Variants in APPL1 observed in about 807,000 individuals in gnomAD.
APPL1 encodes the protein adaptor protein, phosphotyrosine interacting with PH domain and leucine zipper 1, also known as DCC-interacting protein 13-alpha.
In APPL1, 42 loss-of-function variants were observed where a neutral mutation model predicts 106.8. The observed-to-expected ratio is 0.39, with a 90% CI of 0.31 to 0.51. The LOEUF is 0.51. Ranked by LOEUF, APPL1 falls within the 20% of genes least tolerant of loss-of-function variation. The pLI is 0.75. For synonymous variants in APPL1, 263 were observed against 281.8 expected, an observed-to-expected ratio of 0.93 and a Z score of 0.67; for missense variants, 769 against 858.2, an observed-to-expected ratio of 0.90 and a Z score of 1.30.
chr3:57,240,763 T>C (rs553200721), intron 5 of APPL1, among the ~76,000 whole-genome samples: 4 of 152,308 alleles, frequency 2.6e-5, no homozygotes, highest in African/African-American at 9.6e-5. Flanking sequence ...TTTTGAGAAA[T>C]TCTAGAGAAG....
intron 19 of APPL1, among the ~76,000 whole-genome samples, chr3:57,261,220 T>G (rs752457910): frequency 9.9e-5 from 15 of 152,190 alleles, no homozygotes; most frequent in Non-Finnish European, 1.5e-4. Context: ...ATTTGTCTTT[T>G]TGTGCCTGGC....
chr3:57,256,871 A>G (rs1450816681), intron 13 of APPL1, 86 bp from the exon 14 acceptor site: 8 of 1,024,818 alleles, frequency 7.8e-6, no homozygotes, highest in Non-Finnish European at 1.1e-5. Flanking sequence ...GTAACTCAGA[A>G]GCATTCTAAC....
rs141783621 is a variant in APPL1, at chr3:57,249,579, T to C, written c.1052+31T>C. The C allele has an allele frequency of 0.019, 28,055 of 1,491,388 alleles. 383 individuals carry two copies. The highest frequency in any genetic ancestry group is 0.02 in the Non-Finnish European group (22,526 of 1,117,434). 92.4% of individuals were successfully genotyped at this position (1,491,388 alleles called of 1,614,324 possible). On this transcript the variant is annotated intron_variant, in intron 11 of 21. Coordinates refer to ENST00000288266, the MANE Select transcript of APPL1 (RefSeq NM_012096.3). ...TATTTTTTTTCTACTACTACTAATCTATAGTATATTAAACTTCTGAAATGT... is the reference window on the plus strand; with the variant it reads ...TATTTTTTTTCTACTACTACTAATCCATAGTATATTAAACTTCTGAAATGT...
chr3:57,255,379 A>C (rs1299832628), intron 13 of APPL1, among the ~76,000 whole-genome samples: 12 of 152,192 alleles, frequency 7.9e-5, no homozygotes, highest in African/African-American at 2.7e-4. Flanking sequence ...GGTGGATTAG[A>C]TGGGAGGCCT....
In APPL1 at chr3:57,260,712, A is replaced by C; in HGVS notation, c.1780A>C (p.Arg594=). 6.2e-7 allele frequency: 1 copy of C among 1,612,802 alleles called. No individual in the cohort carries two copies. Among genetic ancestry groups the C allele is most frequent in the Non-Finnish European group, 8.5e-7 (1 of 1,179,220 alleles). ...ATTTGTTCTTCGGACATCAAGCGGG[A>C]GAAGTGAAAGTAATCTGTCATCAGT... is the stretch of plus-strand genomic sequence containing the variant. ...FGFVLRTSSG[R]SESNLSSVCY... The change falls in exon 19 of 22, where the codon AGA becomes CGA. Residue 594 remains arginine (R), a synonymous_variant. Transcript: ENST00000288266.
chr3:57,250,900 C>T (rs558092929), intron 11 of APPL1, among the ~76,000 whole-genome samples: 13 of 148,764 alleles, frequency 8.7e-5, no homozygotes, highest in East Asian at 6.1e-4. Flanking sequence ...CTCCGCCTCC[C>T]GGGTTCACGC....
intron 11 of APPL1, among the ~76,000 whole-genome samples, chr3:57,250,651 C>G (rs2060798499): frequency 6.6e-6 from 1 of 151,968 alleles, no homozygotes. Context: ...GATTTGCAGC[C>G]ACCTATTAAA....
intron 19 of APPL1, among the ~76,000 whole-genome samples, chr3:57,263,196 T>C (rs867865330): frequency 6.6e-6 from 1 of 152,216 alleles, no homozygotes; most frequent in African/African-American, 2.4e-5. Flanking sequence ...GCTACACTTA[T>C]GCAATGCGTA....
intron 16 of APPL1, among the ~76,000 whole-genome samples, chr3:57,259,445 C>G (rs1276515599): frequency 6.6e-6 from 1 of 151,844 alleles, no homozygotes; most frequent in African/African-American, 2.4e-5. Context: ...GTAAGAACCA[C>G]CAGTTGTTGT....
chr3:57,231,033 A>G (rs115719231), intron 1 of APPL1, among the ~76,000 whole-genome samples: 3 of 151,862 alleles, frequency 2.0e-5, no homozygotes, highest in African/African-American at 7.2e-5. Flanking sequence ...AAGTAGCCCA[A>G]CTAATCTAAA....
At chr3:57,241,576 A>T (rs1387475794) in intron 5 of APPL1, among the ~76,000 whole-genome samples, 3 of 152,206 alleles carry the variant, frequency 2.0e-5, no homozygotes, top group Admixed American at 6.5e-5. Context: ...CCATTTCTGG[A>T]CTGCAACCCG....
At chr3:57,256,197 C>G (rs975246559) in intron 13 of APPL1, among the ~76,000 whole-genome samples, 1 of 151,982 alleles carries the variant, frequency 6.6e-6, no homozygotes, top group Non-Finnish European at 1.5e-5. Context: ...CAATAGAGAA[C>G]GTATCTCCCA....
At chr3:57,230,803 A>C in intron 1 of APPL1, 1 of 452,198 alleles carries the variant, frequency 2.2e-6, no homozygotes, top group Admixed American at 2.6e-5. Flanking sequence ...ACAGAGTCTC[A>C]CTGTCACGTA....
At chr3:57,235,407 A>G (rs747630974) in intron 1 of APPL1, among the ~76,000 whole-genome samples, 159 bp from the exon 2 acceptor site, 10 of 152,208 alleles carry the variant, frequency 6.6e-5, no homozygotes, top group Non-Finnish European at 1.3e-4. Context: ...ACAAAAAAAA[A>G]AGACTTCTTA....
At chr3:57,268,595 C>T in intron 21 of APPL1, 108 bp downstream of exon 21, 1 of 1,295,584 alleles carries the variant, frequency 7.7e-7, no homozygotes, top group East Asian at 2.4e-5. Context: ...TCTGCTTGTT[C>T]AGCCACTTCA....
At chr3:57,268,840 A>G (rs1345239793) in intron 21 of APPL1, 1 of 153,978 alleles carries the variant, frequency 6.5e-6, no homozygotes, top group Non-Finnish European at 1.4e-5. Flanking sequence ...TATATGTTAT[A>G]TGAAATATAT....
At chr3:57,241,753 T>G (rs2060747699) in intron 5 of APPL1, among the ~76,000 whole-genome samples, 1 of 152,216 alleles carries the variant, frequency 6.6e-6, no homozygotes, top group Admixed American at 6.5e-5. Context: ...ATGAGATGTT[T>G]TGTTTCTCGT....
chr3:57,230,083 A>G (rs189976458), intron 1 of APPL1, among the ~76,000 whole-genome samples: 1 of 152,330 alleles, frequency 6.6e-6, no homozygotes, highest in Admixed American at 6.5e-5. Context: ...ATAAATTTGA[A>G]CTAGGTAAAA....
chr3:57,251,096 C>T (rs529477081), intron 11 of APPL1, among the ~76,000 whole-genome samples: 162 of 150,690 alleles, frequency 1.1e-3, no homozygotes, highest in African/African-American at 3.8e-3. Flanking sequence ...CGTGAGCCAC[C>T]GCGCCCGGCC....
Sources: allele counts gnomAD v4.1 joint callset (sites outside exome capture counted in the v4.1 genomes callset), GRCh38; gene constraint gnomAD v4.1.1; transcripts MANE v1.5; gene names NCBI Gene and HGNC (gene_info 2026-07-23, HGNC 2026-07-21).